L3MBTL4: variants seen among roughly 807,000 people sequenced by gnomAD.
The protein encoded by L3MBTL4 is lethal(3)malignant brain tumor-like protein 4.
Under a neutral mutation model 84.5 loss-of-function variants are expected in L3MBTL4, and 70 were observed. The ratio of observed to expected loss-of-function variants is 0.83; its 90% confidence interval spans 0.68 to 1.01. The LOEUF (loss-of-function observed/expected upper bound fraction) is 1.01, where lower values mean the gene tolerates loss of function less well. Among genes scored for constraint, L3MBTL4 ranks in the 50% least tolerant of loss-of-function variants. The pLI is 0.00. For missense variants in L3MBTL4, 715 were observed against 754.8 expected, an observed-to-expected ratio of 0.95 and a Z score of 0.62; for synonymous variants, 274 against 259.8, an observed-to-expected ratio of 1.05 and a Z score of -0.52.
chr18:6,261,097 A>AT (rs2048380072), intron 5 of L3MBTL4, among the ~76,000 whole-genome samples: 1 of 152,158 alleles, frequency 6.6e-6, no homozygotes. Flanking sequence ...TCACACATGG[A>AT]ATTCCTCATA....
intron 1 of L3MBTL4, among the ~76,000 whole-genome samples, chr18:6,321,700 T>C (rs1315207712): frequency 1.3e-5 from 2 of 152,162 alleles, no homozygotes; most frequent in Non-Finnish European, 2.9e-5. Context: ...ATATACACCA[T>C]GGAATACCAC....
intron 10 of L3MBTL4, among the ~76,000 whole-genome samples, chr18:6,233,670 A>C (rs1307878796): frequency 2.0e-5 from 3 of 151,966 alleles, no homozygotes; most frequent in Non-Finnish European, 4.4e-5. Context: ...TAAAAGAGGA[A>C]ACAAACAAAT....
chr18:6,177,470 G>A (rs984093339), intron 12 of L3MBTL4, among the ~76,000 whole-genome samples: 2 of 152,188 alleles, frequency 1.3e-5, no homozygotes, highest in South Asian at 2.1e-4. Flanking sequence ...TGGCTGAGAA[G>A]GAGCACAAAG....
intron 16 of L3MBTL4, among the ~76,000 whole-genome samples, chr18:6,072,881 A>AAAAAAAAAAAAAAAAT (rs1555645982): frequency 4.9e-5 from 1 of 20,444 alleles, no homozygotes; most frequent in African/African-American, 1.9e-4. Context: ...AAAAAAAAAA[A>AAAAAAAAAAAAAAAAT]ATATATATAT....
chr18:6,096,569 C>T (rs1268561273), intron 14 of L3MBTL4, among the ~76,000 whole-genome samples: 1 of 152,190 alleles, frequency 6.6e-6, no homozygotes, highest in Non-Finnish European at 1.5e-5. Flanking sequence ...TTCTTGCACA[C>T]TCAGACTCTT....
At chr18:6,218,297 T>C (rs1379983775) in intron 10 of L3MBTL4, among the ~76,000 whole-genome samples, 1 of 152,202 alleles carries the variant, frequency 6.6e-6, no homozygotes, top group Non-Finnish European at 1.5e-5. Flanking sequence ...TTTACTTTTA[T>C]AGCTGATACT....
intron 12 of L3MBTL4, among the ~76,000 whole-genome samples, chr18:6,184,414 A>T (rs11875057): frequency 0.017 from 2,561 of 152,330 alleles, 75 homozygotes; most frequent in African/African-American, 0.059. Flanking sequence ...GAATGTATAA[A>T]TCCAAATATG....
chr18:6,001,507 G>A (rs530571817), intron 16 of L3MBTL4, among the ~76,000 whole-genome samples: 25 of 152,192 alleles, frequency 1.6e-4, no homozygotes, highest in Admixed American at 4.6e-4. Flanking sequence ...AGCAAACCCT[G>A]GGGAAGGCGG....
intron 14 of L3MBTL4, among the ~76,000 whole-genome samples, chr18:6,113,230 A>C (rs929771932): frequency 6.6e-6 from 1 of 152,168 alleles, no homozygotes; most frequent in Admixed American, 6.5e-5. Context: ...AAAAACAAAG[A>C]TTAGTCTTCA....
chr18:6,338,397 T>C (rs2052446707), intron 1 of L3MBTL4, among the ~76,000 whole-genome samples: 2 of 152,246 alleles, frequency 1.3e-5, no homozygotes, highest in South Asian at 4.1e-4. Context: ...TCCTGAGTTA[T>C]ACTTATGTCT....
intron 1 of L3MBTL4, among the ~76,000 whole-genome samples, chr18:6,370,711 G>A (rs1384633713): frequency 6.6e-6 from 1 of 152,160 alleles, no homozygotes; most frequent in Non-Finnish European, 1.5e-5. Flanking sequence ...ACTGAGCCGG[G>A]AGGTAGACGC....
At position 5,987,791 on chromosome 18, in the gene L3MBTL4, T is replaced by C. The variant is rs1598367505; in HGVS notation, c.1445-18229A>G. ...TTGGGGATTTAGTGAAGTGAACTGA[T>C]AAACTGGGACATTCAAATCTATTAT... On this transcript the variant is annotated intron_variant, in intron 16 of 18. Coordinates refer to ENST00000317931, the MANE Select transcript of L3MBTL4 (RefSeq NM_001330559.2). Among the ~76,000 whole-genome samples, 3 of 152,274 alleles carry C rather than the reference T, an allele frequency of 2.0e-5. No individual in the cohort carries two copies. In the East Asian group the frequency reaches 5.8e-4, roughly 29 times the overall value.
chr18:6,098,871 C>T (rs1349794434), intron 14 of L3MBTL4, among the ~76,000 whole-genome samples: 2 of 152,190 alleles, frequency 1.3e-5, no homozygotes, highest in Non-Finnish European at 2.9e-5. Context: ...CCGGGGGCAT[C>T]TCCATGTGGA....
intron 1 of L3MBTL4, among the ~76,000 whole-genome samples, chr18:6,370,174 A>G (rs1251783600): frequency 6.6e-6 from 1 of 150,840 alleles, no homozygotes; most frequent in African/African-American, 2.4e-5. Context: ...GACCTGGCTT[A>G]CTATTGGACA....
At chr18:6,382,052 T>C (rs2054614329) in intron 1 of L3MBTL4, among the ~76,000 whole-genome samples, 1 of 152,178 alleles carries the variant, frequency 6.6e-6, no homozygotes, top group Non-Finnish European at 1.5e-5. Flanking sequence ...TTCTCTCTAA[T>C]CTTGTCTTCA....
chr18:6,384,226 T>G (rs985175046), intron 1 of L3MBTL4, among the ~76,000 whole-genome samples: 1 of 152,246 alleles, frequency 6.6e-6, no homozygotes, highest in East Asian at 1.9e-4. Context: ...AAAATTCTCT[T>G]CTTGTATATA....
In L3MBTL4 at chr18:5,975,606, A is replaced by G. The variant is rs547290679; in HGVS notation, c.1445-6044T>C. The stretch of plus-strand genomic sequence containing the variant: ...CTGCGTACTGAACGTGCTTGAAGCT[A>G]TCATTTCTCAGCTGCACTTTCTTCT... On this transcript the variant is annotated intron_variant, in intron 16 of 18. Transcript: ENST00000317931. Among the ~76,000 whole-genome samples, 11 of 152,360 alleles carry G rather than the reference A, an allele frequency of 7.2e-5. No homozygotes were observed. In the South Asian group the frequency reaches 2.1e-3, roughly 29 times the overall value.
At chr18:6,066,285 A>G (rs1034780715) in intron 16 of L3MBTL4, among the ~76,000 whole-genome samples, 3 of 152,166 alleles carry the variant, frequency 2.0e-5, no homozygotes, top group Non-Finnish European at 1.5e-5. Context: ...CATATGGTCT[A>G]TCTTGGAGAA....
At chr18:6,062,925 C>G (rs572248622) in intron 16 of L3MBTL4, among the ~76,000 whole-genome samples, 1 of 151,596 alleles carries the variant, frequency 6.6e-6, no homozygotes, top group Admixed American at 6.6e-5. Flanking sequence ...TTAGTGCACC[C>G]GTCATCTAAG....
Sources: allele counts gnomAD v4.1 joint callset (sites outside exome capture counted in the v4.1 genomes callset), GRCh38; gene constraint gnomAD v4.1.1; transcripts MANE v1.5; gene names NCBI Gene and HGNC (gene_info 2026-07-23, HGNC 2026-07-21).